HR: variants seen among roughly 807,000 people sequenced by gnomAD.
HR encodes the protein HR lysine demethylase and nuclear receptor corepressor, also known as lysine-specific demethylase hairless.
In HR, 83 loss-of-function variants were observed where a neutral mutation model predicts 128.6. The observed-to-expected ratio is 0.65, with a 90% CI of 0.54 to 0.77. The LOEUF (loss-of-function observed/expected upper bound fraction) is 0.77, where lower values mean the gene tolerates loss of function less well. Among genes scored for constraint, HR ranks in the 30% least tolerant of loss-of-function variants. The pLI is 0.00. For synonymous variants in HR, 681 were observed against 658.2 expected, an observed-to-expected ratio of 1.03 and a Z score of -0.53; for missense variants, 1,490 against 1,574.6, an observed-to-expected ratio of 0.95 and a Z score of 0.91.
At position 22,115,629 on chromosome 8, in the gene HR, G is replaced by C. The variant is rs1036660523; in HGVS notation, c.*71C>G. The C allele has an allele frequency of 2.2e-6, 3 of 1,362,448 alleles. No homozygotes were observed. The highest frequency in any genetic ancestry group is 2.1e-6 in the Non-Finnish European group (2 of 952,584). 84.4% of individuals were successfully genotyped at this position (1,362,448 alleles called of 1,614,324 possible). ...CCCAAGTCCCCTAGCGCCATCCCCT[G>C]CTGAAGTTGTGCCTGGGCTGAGCAC... On this transcript the variant is annotated 3_prime_UTR_variant, in exon 19 of 19. Transcript: ENST00000381418.
chr8:22,127,457 A>G lies in HR; in HGVS notation c.985T>C (p.Ser329Pro). 6.2e-7 allele frequency: 1 copy of G among 1,611,012 alleles called. No individual in the cohort carries two copies. Residue 329 changes from serine (S) to proline (P), a missense_variant, in exon 3 of 19, where the codon TCC becomes CCC. Physicochemically the swap from Ser to Pro is moderately conservative, Grantham distance 74. Around this residue, in one of 3 missense-constraint regions of HR, gnomAD observed 1,060 missense variants for 1,060.9 expected, o/e 1.00. Coordinates refer to ENST00000381418, the MANE Select transcript of HR (RefSeq NM_005144.5). ...CCCCCACCTTTAGTGGGTGGGTAGG[A>G]TGAACAGCAGCCCCGCTGGGTGACA... Reference protein sequence around the residue: ...PPVTQRGCCSSYPPTKGGGLG... With the variant: ...PPVTQRGCCSPYPPTKGGGLG...
chr8:22,123,936 C>T (rs1314881809), intron 5 of HR, 123 bp from the exon 6 acceptor site: 8 of 1,171,226 alleles, frequency 6.8e-6, no homozygotes, highest in Non-Finnish European at 9.8e-6. Context: ...GGAGAGGGCC[C>T]CCCCAGGGAA....
Position 22,123,635 on chromosome 8 carries a change from AG to A in HR, c.1915+13del. 3.6e-5 allele frequency: 2 copies of A among 56,082 alleles called. No individual in the cohort carries two copies. Among genetic ancestry groups the A allele is most frequent in the South Asian group, 1.2e-4 (1 of 8,388 alleles). The allele number at this position is 56,082 out of a possible 1,614,324, so 3.5% of individuals were successfully genotyped here. On this transcript the variant is annotated intron_variant, in intron 6 of 18. Transcript: ENST00000381418. ...GGCTCCATCCCGCCCTCCCACCCCC[AG>A]CCCCTCTCCTACCTGCTTTCTCCCT...
chr8:22,124,880 T>C (rs1826844739), intron 5 of HR, among the ~76,000 whole-genome samples: 1 of 152,074 alleles, frequency 6.6e-6, no homozygotes, highest in East Asian at 1.9e-4. Flanking sequence ...GGGCCTGGCC[T>C]GTCTGGGGCA....
At chr8:22,121,845 G>A (rs1393961953) in intron 8 of HR, 151 bp from the exon 9 acceptor site, 8 of 780,264 alleles carry the variant, frequency 1.0e-5, no homozygotes, top group African/African-American at 1.7e-5. Flanking sequence ...ATAACATTAG[G>A]TGGAAAAAAG....
Position 22,119,834 on chromosome 8 carries a change from T to A in HR, c.2903A>T (p.Lys968Ile). 1 of 1,613,714 alleles carries A rather than the reference T, an allele frequency of 6.2e-7. No individual in the cohort carries two copies. The highest frequency in any genetic ancestry group is 1.1e-5 in the South Asian group (1 of 91,070). Reference sequence around the variant, plus strand: ...TGGGAGGTAGGAAGCCAGGTTGAGTTTTCCATGGAGGGCGCAGTACTCCGG... The same window carrying A: ...TGGGAGGTAGGAAGCCAGGTTGAGTATTCCATGGAGGGCGCAGTACTCCGG... ...PLPEYCALHG[K>I]LNLASYLPPG... The change falls in exon 14 of 19, where the codon AAA (lysine) becomes ATA (isoleucine). Residue 968 changes from lysine (K) to isoleucine (I), a missense_variant. By Grantham distance (102) the Lys-to-Ile change is moderately radical. Around this residue, in one of 3 missense-constraint regions of HR, gnomAD observed 423 missense variants for 495.9 expected, o/e 0.85. Coordinates refer to ENST00000381418, the MANE Select transcript of HR (RefSeq NM_005144.5).
intron 1 of HR, among the ~76,000 whole-genome samples, chr8:22,129,629 T>C (rs1456499093): frequency 6.6e-6 from 1 of 152,268 alleles, no homozygotes; most frequent in African/African-American, 2.4e-5. Flanking sequence ...GGCCTCAGTG[T>C]GCCCTTGAGG....
intron 16 of HR, chr8:22,117,470 G>A (rs1372416560): frequency 5.8e-6 from 1 of 173,258 alleles, no homozygotes; most frequent in Admixed American, 5.7e-5. Flanking sequence ...TGTGTGCTAA[G>A]TGGTGGATGA....
rs540860480 is a variant in HR, at chr8:22,118,687, T to C, written c.3213+263A>G. On this transcript the variant is annotated intron_variant, in intron 16 of 18. Transcript: ENST00000381418. ...TTGTGCCTAAGGCCCTAGCACCACG[T>C]CCAGCCTCGGGCAGCTGGTGCTCTC... 2.1e-4 allele frequency: 117 copies of C among 553,700 alleles called. 1 individual carries two copies. The East Asian group carries it at 3.1e-3, about 15-fold the overall frequency. The allele number at this position is 553,700 out of a possible 1,614,324, so 34.3% of individuals were successfully genotyped here.
At chr8:22,118,658 A>G in intron 16 of HR, 2 of 488,260 alleles carry the variant, frequency 4.1e-6, no homozygotes, top group Non-Finnish European at 7.4e-6. Context: ...CGGGTAACAG[A>G]TAATTGTGCC....
Position 22,120,839 on chromosome 8 carries a change from G to A in HR, c.2487C>T (p.Gly829=), listed in dbSNP as rs977613314. The change falls in exon 11 of 19, where the codon GGC becomes GGT. Residue 829 remains glycine (G), a synonymous_variant. Coordinates refer to ENST00000381418, the MANE Select transcript of HR (RefSeq NM_005144.5). ...RAGPGLRKGL[G]LPLSPVRPRL... Reference sequence around the variant, plus strand: ...GGGGCCGCACTGGAGAGAGGGGCAGGCCCAGGCCCTTGCGCAGACCCGGGC... The same window carrying A: ...GGGGCCGCACTGGAGAGAGGGGCAGACCCAGGCCCTTGCGCAGACCCGGGC... 4 of 1,551,806 alleles carry A rather than the reference G, an allele frequency of 2.6e-6. No individual in the cohort carries two copies. Among genetic ancestry groups the A allele is most frequent in the Admixed American group, 3.9e-5 (2 of 51,148 alleles).
intron 5 of HR, among the ~76,000 whole-genome samples, 193 bp downstream of exon 5, chr8:22,125,118 C>T (rs933162412): frequency 2.0e-5 from 3 of 152,234 alleles, no homozygotes; most frequent in Non-Finnish European, 2.9e-5. Context: ...TTCTTGTTTT[C>T]CCAACAAGCC....
chr8:22,128,938 C>G lies in HR; in HGVS notation c.233G>C (p.Gly78Ala). 1.2e-6 allele frequency: 2 copies of G among 1,613,490 alleles called. No homozygotes were observed. The highest frequency in any genetic ancestry group is 1.7e-6 in the Non-Finnish European group (2 of 1,180,010). Residue 78 changes from glycine (G) to alanine (A), a missense_variant, in exon 2 of 19, where the codon GGC becomes GCC. Gly to Ala is a moderately conservative substitution (Grantham distance 60). This residue lies in a region of HR where 1,060 missense variants were observed against 1,060.9 expected (regional missense o/e 1.00). Transcript: ENST00000381418. Reference sequence around the variant, plus strand: ...CCTCTCCCCATTCTGGGGGCCCTCGCCCTCCACAAGTGGGAGCATGTCCTT... The same window carrying G: ...CCTCTCCCCATTCTGGGGGCCCTCGGCCTCCACAAGTGGGAGCATGTCCTT... ...GPKDMLPLVE[G>A]EGPQNGERKV... is the part of the protein sequence containing the mutation.
At chr8:22,124,249 A>G (rs193093369) in intron 5 of HR, among the ~76,000 whole-genome samples, 1 of 152,276 alleles carries the variant, frequency 6.6e-6, no homozygotes, top group Non-Finnish European at 1.5e-5. Flanking sequence ...CGTTGTTTTG[A>G]GATAGGGTCT....
At chr8:22,128,027 C>T (rs913556747) in intron 2 of HR, 198 bp from the exon 3 acceptor site, 2 of 651,604 alleles carry the variant, frequency 3.1e-6, no homozygotes, top group Non-Finnish European at 5.5e-6. Flanking sequence ...CAGGATTTCT[C>T]AGACGTCCCC....
In HR at chr8:22,120,893, C is replaced by T. The variant is rs1220398681; in HGVS notation, c.2433G>A (p.Glu811=). The T allele has an allele frequency of 1.3e-6, 2 of 1,556,264 alleles. No homozygotes were observed. Among genetic ancestry groups the T allele is most frequent in the African/African-American group, 2.7e-5 (2 of 73,392 alleles). ...CTCGAAGCCCCGGCCCCAGGGCTTT[C>T]TCCTGGATCTTCCGTTCCACCACCT... ...IAQVVERKIQ[E]KALGPGLRAG... The change falls in exon 11 of 19, where the codon GAG becomes GAA. Residue 811 remains glutamate, a synonymous_variant. Transcript: ENST00000381418.
chr8:22,118,862 AG>A, intron 16 of HR, 87 bp downstream of exon 16: 1 of 1,139,300 alleles, frequency 8.8e-7, no homozygotes. Context: ...GCAGGGAGCG[AG>A]CACATGGGAC....
At chr8:22,117,118 G>A in intron 16 of HR, 79 bp from the exon 17 acceptor site, 1 of 1,357,876 alleles carries the variant, frequency 7.4e-7, no homozygotes, top group Non-Finnish European at 9.7e-7. Flanking sequence ...GGACTTTCCA[G>A]AGGCCAGGGG....
Position 22,121,502 on chromosome 8 carries a change from T to TG in HR, c.2203+110dup, listed in dbSNP as rs148117748. On this transcript the variant is annotated intron_variant, in intron 9 of 18. Transcript: ENST00000381418. ...GGGGAGTAGTGGAGATTATTGGGGG[T>TG]GGGGGGGAGTTGCTAAAGTCCCCGG... The TG allele has an allele frequency of 0.012, 13,256 of 1,099,872 alleles. 1,053 individuals are homozygous for TG. The African/African-American group carries it at 0.17, about 14-fold the overall frequency. 68.1% of individuals were successfully genotyped at this position (1,099,872 alleles called of 1,614,324 possible). A position where few individuals can be genotyped will look rare whatever the true frequency, so the allele number is the denominator to read the frequency against.
Sources: allele counts gnomAD v4.1 joint callset (sites outside exome capture counted in the v4.1 genomes callset), GRCh38; gene constraint gnomAD v4.1.1; regional missense constraint gnomAD v4.1.1; transcripts MANE v1.5; gene names NCBI Gene and HGNC (gene_info 2026-07-23, HGNC 2026-07-21).